DNAH11: variants seen among roughly 807,000 people sequenced by gnomAD.
DNAH11 encodes the protein axonemal beta dynein heavy chain 11.
In DNAH11, 442 loss-of-function variants were observed where a neutral mutation model predicts 526.0. The ratio of observed to expected loss-of-function variants is 0.84; its 90% confidence interval spans 0.78 to 0.91. The LOEUF (loss-of-function observed/expected upper bound fraction) is 0.91. Among genes scored for constraint, DNAH11 ranks in the 40% least tolerant of loss-of-function variants. DNAH11 has a pLI of 0.00. For missense variants in DNAH11, 6,989 were observed against 5,448.7 expected, an observed-to-expected ratio of 1.28 and a Z score of -8.90; for synonymous variants, 2,461 against 1,935.9, an observed-to-expected ratio of 1.27 and a Z score of -7.12.
chr7:21,789,918 T>C (rs1465943188), intron 61 of DNAH11, among the ~76,000 whole-genome samples: 7 of 132,544 alleles, frequency 5.3e-5, no homozygotes, highest in East Asian at 2.6e-4. Flanking sequence ...CTCCCTCCCT[T>C]CCTTCCTTCA....
intron 65 of DNAH11, among the ~76,000 whole-genome samples, chr7:21,823,218 G>A (rs1562567121): frequency 1.3e-5 from 2 of 151,858 alleles, no homozygotes; most frequent in African/African-American, 4.8e-5. Flanking sequence ...AAATAAACAG[G>A]CACTACTATC....
chr7:21,607,508 C>A (rs111853055), intron 20 of DNAH11, among the ~76,000 whole-genome samples: 2,236 of 152,238 alleles, frequency 0.015, 42 homozygotes, highest in African/African-American at 0.051. Flanking sequence ...GAGACAGTAA[C>A]AACTACTACT....
In DNAH11 at chr7:21,880,897, A is replaced by G; in HGVS notation, c.12387+4A>G. ...CTACTTAGAGGCAAACTCTAAAGTA[A>G]GTGCTAGTGGTCAAATAACCTCTTC... On this transcript the variant is annotated splice_donor_region_variant and intron_variant, in intron 75 of 81. Coordinates refer to ENST00000409508, the MANE Select transcript of DNAH11 (RefSeq NM_001277115.2). 1 of 1,595,108 alleles carries G rather than the reference A, an allele frequency of 6.3e-7. No individual in the cohort carries two copies. Among genetic ancestry groups the G allele is most frequent in the Non-Finnish European group, 8.5e-7 (1 of 1,174,832 alleles).
intron 2 of DNAH11, among the ~76,000 whole-genome samples, chr7:21,556,943 C>T (rs933200557): frequency 6.6e-6 from 1 of 151,982 alleles, no homozygotes; most frequent in Non-Finnish European, 1.5e-5. Flanking sequence ...TGCTTGTAAT[C>T]CTGGCTACTC....
chr7:21,607,996 G>C (rs972032925), intron 20 of DNAH11, among the ~76,000 whole-genome samples: 3 of 137,440 alleles, frequency 2.2e-5, no homozygotes, highest in African/African-American at 8.0e-5. Flanking sequence ...GCAGATTTCT[G>C]TTAGTAAGTG....
chr7:21,854,432 C>G lies in DNAH11; in HGVS notation c.11179C>G (p.Pro3727Ala), dbSNP rs748733879. 6.2e-7 allele frequency: 1 copy of G among 1,613,686 alleles called. No individual in the cohort carries two copies. The change falls in exon 68 of 82, where the codon CCC becomes GCC. Residue 3727 changes from proline to alanine, a missense_variant. Pro to Ala is a conservative substitution (Grantham distance 27, BLOSUM62 -1). Transcript: ENST00000409508. ...TATTAATGACCTCCAAAAAATCAAC[C>G]CCCTCTACCAATTCTCTTTGAAGGT... Reference protein sequence around the residue: ...FVINDLQKINPLYQFSLKAFN... With the variant: ...FVINDLQKINALYQFSLKAFN...
Position 21,742,087 on chromosome 7 carries a change from C to G in DNAH11, c.8075C>G (p.Thr2692Arg). The change falls in exon 49 of 82, where the codon ACA becomes AGA. Residue 2692 changes from threonine (T) to arginine (R), a missense_variant. Coordinates refer to ENST00000409508, the MANE Select transcript of DNAH11 (RefSeq NM_001277115.2). The stretch of plus-strand genomic sequence containing the variant: ...CAGGCAACAATAGCATTCCATCAGA[C>G]AATGATGTGTAACTTTTTACCCACG... Reference protein sequence around the residue: ...LIQATIAFHQTMMCNFLPTAI... With the variant: ...LIQATIAFHQRMMCNFLPTAI... The G allele has an allele frequency of 1.2e-6, 2 of 1,613,930 alleles. No individual in the cohort carries two copies. The highest frequency in any genetic ancestry group is 1.7e-6 in the Non-Finnish European group (2 of 1,179,830).
intron 65 of DNAH11, among the ~76,000 whole-genome samples, chr7:21,831,099 A>G (rs1183547591): frequency 6.6e-6 from 1 of 152,114 alleles, no homozygotes; most frequent in Non-Finnish European, 1.5e-5. Context: ...TCCTGTGGGG[A>G]GTGGAGCTGG....
chr7:21,561,936 T>C (rs991858426), intron 5 of DNAH11, among the ~76,000 whole-genome samples: 1 of 152,208 alleles, frequency 6.6e-6, no homozygotes, highest in Admixed American at 6.5e-5. Flanking sequence ...AGTTAGGAAA[T>C]ACTGAAAATT....
intron 8 of DNAH11, among the ~76,000 whole-genome samples, chr7:21,579,069 C>G (rs1299649358): frequency 6.6e-6 from 1 of 152,212 alleles, no homozygotes; most frequent in Non-Finnish European, 1.5e-5. Flanking sequence ...TGCCTCCAAA[C>G]TGCTCCCTCT....
In DNAH11 at chr7:21,901,500, C is replaced by T; in HGVS notation, c.*246C>T. ...AGGAGAATCACTTGAACCTAGGAGG[C>T]AAAGGTTGCAGTGAGCCGAGGTTGC... On this transcript the variant is annotated 3_prime_UTR_variant, in exon 82 of 82. Coordinates refer to ENST00000409508, the MANE Select transcript of DNAH11 (RefSeq NM_001277115.2). 1 of 363,054 alleles carries T rather than the reference C, an allele frequency of 2.8e-6. No individual in the cohort carries two copies. Among genetic ancestry groups the T allele is most frequent in the South Asian group, 9.9e-5 (1 of 10,152 alleles). 22.5% of individuals were successfully genotyped at this position (363,054 alleles called of 1,614,324 possible).
At chr7:21,639,655 C>T (rs1306888877) in intron 28 of DNAH11, among the ~76,000 whole-genome samples, 1 of 152,136 alleles carries the variant, frequency 6.6e-6, no homozygotes, top group Non-Finnish European at 1.5e-5. Flanking sequence ...AATCTGAGAG[C>T]TCAGATCAGG....
At chr7:21,581,825 G>A (rs2128440870) in intron 8 of DNAH11, 80 bp from the exon 9 acceptor site, 3 of 843,872 alleles carry the variant, frequency 3.6e-6, no homozygotes, top group South Asian at 3.1e-5. Context: ...GAGAGCTAAA[G>A]TAAGGTCACG....
chr7:21,660,164 G>A (rs1782186003), intron 30 of DNAH11, among the ~76,000 whole-genome samples: 1 of 151,886 alleles, frequency 6.6e-6, no homozygotes, highest in African/African-American at 2.4e-5. Context: ...TTTTTTCATG[G>A]ACATAAATAA....
rs56257528 is a variant in DNAH11 at position 21,638,691 on chromosome 7, GGTGTGTGTGTGT to G, written c.4818-217_4818-206del. Among the ~76,000 whole-genome samples, 553 of 144,212 alleles carry G rather than the reference GGTGTGTGTGTGT, an allele frequency of 3.8e-3. 5 individuals carry two copies. The highest frequency in any genetic ancestry group is 0.013 in the African/African-American group (525 of 39,106). The allele number at this position is 144,212 out of a possible 152,430, so 94.6% of individuals were successfully genotyped here. On this transcript the variant is annotated intron_variant, in intron 27 of 81. Transcript: ENST00000409508. ...ATTCATATTTAGCCACAGCTAATGG[GGTGTGTGTGTGT>G]GTGTGTGTGTGTGTGTGTGTGTGTG...
intron 36 of DNAH11, among the ~76,000 whole-genome samples, chr7:21,701,699 T>C (rs979056447): frequency 1.2e-4 from 19 of 152,220 alleles, no homozygotes; most frequent in Non-Finnish European, 2.5e-4. Flanking sequence ...TATCCACTAG[T>C]GGAGTAAATG....
At chr7:21,879,185 G>A (rs760036803) in intron 74 of DNAH11, among the ~76,000 whole-genome samples, 20 of 151,986 alleles carry the variant, frequency 1.3e-4, no homozygotes, top group Non-Finnish European at 2.5e-4. Flanking sequence ...TGGGCACAGT[G>A]ACTTGTGACT....
At position 21,543,303 on chromosome 7, in the gene DNAH11, C is replaced by A. The variant is rs72655967; in HGVS notation, c.58C>A (p.Arg20Ser). 9.7e-4 allele frequency: 1,508 copies of A among 1,549,134 alleles called. 18 individuals are homozygous for A. The Admixed American group carries it at 0.025, about 26-fold the overall frequency. Reference protein sequence around the residue: ...ARDFREAPTLRLTSGAGLEAV... With the variant: ...ARDFREAPTLSLTSGAGLEAV... ...AGACTTCAGAGAAGCCCCGACCCTTCGCCTAACCTCGGGGGCCGGCCTGGA... is the reference window on the plus strand; with the variant it reads ...AGACTTCAGAGAAGCCCCGACCCTTAGCCTAACCTCGGGGGCCGGCCTGGA... The change falls in exon 1 of 82, where the codon CGC (arginine) becomes AGC (serine). Residue 20 changes from arginine (R) to serine (S), a missense_variant. Arg to Ser is a moderately radical substitution (Grantham distance 110, BLOSUM62 -1). Transcript: ENST00000409508.
intron 2 of DNAH11, among the ~76,000 whole-genome samples, chr7:21,553,733 C>T (rs890747389): frequency 2.6e-5 from 4 of 152,326 alleles, no homozygotes; most frequent in African/African-American, 4.8e-5. Context: ...ATCTGTCATT[C>T]GCCTTGTCTC....
Sources: gnomAD v4.1 joint callset for allele counts (sites outside exome capture counted in the v4.1 genomes callset) on GRCh38, gnomAD v4.1.1 for gene constraint, MANE v1.5 for transcripts, NCBI Gene and HGNC (gene_info 2026-07-23, HGNC 2026-07-21) for gene names.